The following PLSCR2 variants were observed in gnomAD, a reference collection of about 807,000 sequenced individuals.
PLSCR2 encodes PL scramblase 2.
Under a neutral mutation model 25.3 loss-of-function variants are expected in PLSCR2, and 18 were observed. The observed-to-expected ratio is 0.71, with a 90% CI of 0.49 to 1.06. The LOEUF is 1.06. PLSCR2 is among the 50% of genes least tolerant of loss of function. PLSCR2 has a pLI of 0.00. For missense variants in PLSCR2, 243 were observed against 269.5 expected, an observed-to-expected ratio of 0.90 and a Z score of 0.69; for synonymous variants, 88 against 87.3, an observed-to-expected ratio of 1.01 and a Z score of -0.04.
intron 2 of PLSCR2, among the ~76,000 whole-genome samples, chr3:146,398,403 C>A (rs1338616392): frequency 2.6e-5 from 4 of 151,640 alleles, no homozygotes; most frequent in African/African-American, 9.7e-5. Flanking sequence ...TTTTCTCTGT[C>A]AATATTCTTT....
At chr3:146,491,891 G>C (rs2043565200) in intron 1 of PLSCR2, among the ~76,000 whole-genome samples, 1 of 152,132 alleles carries the variant, frequency 6.6e-6, no homozygotes, top group African/African-American at 2.4e-5. Context: ...GTTGATTGGA[G>C]GTAAGAAGAC....
At chr3:146,426,079 C>A (rs1490824931) in intron 2 of PLSCR2, among the ~76,000 whole-genome samples, 5 of 151,996 alleles carry the variant, frequency 3.3e-5, no homozygotes, top group Non-Finnish European at 1.5e-5. Flanking sequence ...TTTTTGAATT[C>A]AATCATTTCT....
At chr3:146,439,890 T>A (rs769876575), downstream of PLSCR2, among the ~76,000 whole-genome samples, 4 of 152,202 alleles carry the variant, frequency 2.6e-5, no homozygotes, top group Non-Finnish European at 5.9e-5. Context: ...TCTGGTTTCT[T>A]CCCGTCTTTG....
At chr3:146,417,695 C>A (rs191079755) in intron 2 of PLSCR2, among the ~76,000 whole-genome samples, 2 of 152,232 alleles carry the variant, frequency 1.3e-5, no homozygotes, top group African/African-American at 4.8e-5. Flanking sequence ...CTTTAGTTAG[C>A]AACATGTATT....
At chr3:146,469,185 C>G (rs1199511305) in intron 1 of PLSCR2, 2 of 985,404 alleles carry the variant, frequency 2.0e-6, no homozygotes, top group African/African-American at 3.5e-5. Context: ...TGAGCCCAGA[C>G]TCTGCCCAGG....
chr3:146,482,255 T>G (rs977770415), intron 1 of PLSCR2, among the ~76,000 whole-genome samples: 2 of 152,044 alleles, frequency 1.3e-5, no homozygotes, highest in Admixed American at 6.6e-5. Context: ...AGCTTCTGTA[T>G]GGCAAAAGAA....
intron 5 of PLSCR2, among the ~76,000 whole-genome samples, chr3:146,449,901 AAAG>A (rs2040800730): frequency 6.6e-6 from 1 of 152,224 alleles, no homozygotes; most frequent in African/African-American, 2.4e-5. Flanking sequence ...TGAGTGAAGA[AAAG>A]CAACCAGTAA....
At chr3:146,463,640 C>T (rs983629603), upstream of PLSCR2, among the ~76,000 whole-genome samples, 15 of 152,106 alleles carry the variant, frequency 9.9e-5, no homozygotes, top group Admixed American at 9.2e-4. Flanking sequence ...GCAAAAACTC[C>T]ATTACCCAAA....
chr3:146,491,215 G>T (rs1024979901), intron 1 of PLSCR2, among the ~76,000 whole-genome samples: 6 of 152,068 alleles, frequency 3.9e-5, no homozygotes, highest in African/African-American at 1.4e-4. Context: ...TAAAACTTCT[G>T]CTGTTAGACT....
intron 8 of PLSCR2, among the ~76,000 whole-genome samples, chr3:146,434,641 G>C (rs949861442): frequency 1.4e-4 from 22 of 151,876 alleles, no homozygotes; most frequent in African/African-American, 5.1e-4. Flanking sequence ...TAAAAATTAA[G>C]AACAAATGGA....
At chr3:146,486,609 G>T (rs188736001) in intron 1 of PLSCR2, among the ~76,000 whole-genome samples, 2 of 151,848 alleles carry the variant, frequency 1.3e-5, no homozygotes, top group East Asian at 3.9e-4. Context: ...ACCATCCCAA[G>T]ACTAAACCAG....
intron 1 of PLSCR2, among the ~76,000 whole-genome samples, chr3:146,478,805 G>A (rs551719030): frequency 7.2e-5 from 11 of 152,252 alleles, no homozygotes; most frequent in African/African-American, 2.6e-4. Flanking sequence ...GATTCACCAA[G>A]GTTGAAATGA....
chr3:146,485,913 C>T (rs2043323498), intron 1 of PLSCR2, among the ~76,000 whole-genome samples: 1 of 152,116 alleles, frequency 6.6e-6, no homozygotes, highest in Non-Finnish European at 1.5e-5. Context: ...ATTTTTAAAA[C>T]CATCAGATCT....
Position 146,422,050 on chromosome 3 carries a change from A to G in PLSCR2, c.101-26129T>C, listed in dbSNP as rs80256186. 5.2e-3 allele frequency among the ~76,000 whole-genome samples: 784 copies of G among 152,224 alleles called. 6 individuals carry two copies. The highest frequency in any genetic ancestry group is 8.0e-3 in the Non-Finnish European group (545 of 67,968). ...ATGAGTCATAAAACAAAGCTCTCAG[A>G]GACATACAAGTGCACAGATATAAGA... On this transcript the variant is annotated intron_variant and NMD_transcript_variant, in intron 2 of 3. Transcript: ENST00000463633.
At chr3:146,411,514 G>T (rs886270186) in intron 2 of PLSCR2, among the ~76,000 whole-genome samples, 1 of 152,182 alleles carries the variant, frequency 6.6e-6, no homozygotes, top group Non-Finnish European at 1.5e-5. Flanking sequence ...CTTAGGTGGC[G>T]CTCCCCCTCC....
At position 146,442,271 on chromosome 3, in the gene PLSCR2, C is replaced by T. The variant is rs111232894; in HGVS notation, c.646-450G>A. 2.0e-3 allele frequency among the ~76,000 whole-genome samples: 300 copies of T among 152,058 alleles called. 1 individual carries two copies. Among genetic ancestry groups the T allele is most frequent in the African/African-American group, 6.8e-3 (282 of 41,506 alleles). On this transcript the variant is annotated intron_variant, in intron 6 of 6. Transcript: ENST00000610787. ...TAAGGAATACATTTAACCAAAAAGG[C>T]AAACATTCTGTATACTGAAAACTGT...
downstream of PLSCR2, among the ~76,000 whole-genome samples, chr3:146,437,991 T>A (rs531745730): frequency 2.7e-3 from 415 of 152,338 alleles, 2 homozygotes; most frequent in African/African-American, 9.5e-3. Context: ...TCTCATTGGT[T>A]TCAAAGAACA....
upstream of PLSCR2, among the ~76,000 whole-genome samples, chr3:146,463,583 T>C (rs1456138859): frequency 6.6e-6 from 1 of 152,204 alleles, no homozygotes; most frequent in African/African-American, 2.4e-5. Flanking sequence ...CCATCTACTG[T>C]AGATCCCAGT....
intron 1 of PLSCR2, among the ~76,000 whole-genome samples, chr3:146,482,570 G>A (rs2043168440): frequency 6.6e-6 from 1 of 152,148 alleles, no homozygotes; most frequent in African/African-American, 2.4e-5. Context: ...AAAAAGTCAG[G>A]AAACAACAGA....
Sources: allele counts gnomAD v4.1 joint callset (sites outside exome capture counted in the v4.1 genomes callset), GRCh38; gene constraint gnomAD v4.1.1; transcripts MANE v1.5; gene names NCBI Gene and HGNC (gene_info 2026-07-23, HGNC 2026-07-21).